CDC37L1: variants seen among roughly 807,000 people sequenced by gnomAD.
CDC37L1 encodes the protein hsp90 co-chaperone Cdc37-like 1.
CDC37L1 carries 32 observed loss-of-function variants against 45.9 expected under a neutral mutation model. The ratio of observed to expected loss-of-function variants is 0.70; its 90% confidence interval spans 0.53 to 0.94. The LOEUF (loss-of-function observed/expected upper bound fraction) is 0.94, where lower values mean the gene tolerates loss of function less well. CDC37L1 is among the 40% of genes least tolerant of loss of function. The probability of loss-of-function intolerance (pLI) is 0.00; values close to 1 mark genes in which losing one functional copy is unlikely to be tolerated. For synonymous variants in CDC37L1, 150 were observed against 133.0 expected (o/e 1.13, Z -0.88); for missense variants, 434 against 405.7 (o/e 1.07, Z -0.60).
intron 6 of CDC37L1, among the ~76,000 whole-genome samples, chr9:4,704,449 CTTATTTT>C (rs959570407): frequency 6.6e-6 from 1 of 152,116 alleles, no homozygotes; most frequent in Non-Finnish European, 1.5e-5. Flanking sequence ...CCGATTCCTT[CTTATTTT>C]TTAAAGTCTC....
chr9:4,706,616 A>G lies in CDC37L1; in HGVS notation c.*504A>G, dbSNP rs1841444419. On this transcript the variant is annotated 3_prime_UTR_variant, in exon 7 of 7. Coordinates refer to ENST00000381854, the MANE Select transcript of CDC37L1 (RefSeq NM_017913.4). ...AGTAGTTGGTAATGTACTTTACTAA[A>G]TAAGTTGGGGGGTACAATTTTTAAA... The G allele has an allele frequency of 6.5e-6, 1 of 152,694 alleles. No homozygotes were observed. The highest frequency in any genetic ancestry group is 2.1e-4 in the South Asian group (1 of 4,836). The allele number at this position is 152,694 out of a possible 1,614,324, so 9.5% of individuals were successfully genotyped here.
intron 1 of CDC37L1, among the ~76,000 whole-genome samples, chr9:4,680,365 T>TG (rs1841179245): frequency 6.6e-6 from 1 of 152,244 alleles, no homozygotes; most frequent in Non-Finnish European, 1.5e-5. Context: ...AGATTTCACA[T>TG]GCGATTTTCA....
intron 1 of CDC37L1, among the ~76,000 whole-genome samples, chr9:4,683,557 G>A (rs1173782156): frequency 6.6e-6 from 1 of 152,050 alleles, no homozygotes; most frequent in African/African-American, 2.4e-5. Flanking sequence ...GAAGAGCAAT[G>A]GGAACTGAGT....
In CDC37L1 at chr9:4,688,529, A is replaced by G. The variant is rs371422006; in HGVS notation, c.431A>G (p.Asp144Gly). The change falls in exon 3 of 7, where the codon GAT becomes GGT. Residue 144 changes from aspartate (D) to glycine (G), a missense_variant. Physicochemically the swap from Asp to Gly is moderately conservative, Grantham distance 94. Coordinates refer to ENST00000381854, the MANE Select transcript of CDC37L1 (RefSeq NM_017913.4). ...DVFNKSFINQ[D>G]KRKDTEDEDK... The stretch of plus-strand genomic sequence containing the variant: ...TTTTCTTAGAGTTTTATTAATCAAG[A>G]TAAAAGAAAAGACACAGAAGATGAA... The G allele has an allele frequency of 6.7e-7, 1 of 1,499,906 alleles. No individual in the cohort carries two copies. The highest frequency in any genetic ancestry group is 1.3e-5 in the South Asian group (1 of 78,258). 92.9% of individuals were successfully genotyped at this position (1,499,906 alleles called of 1,614,324 possible). A position where few individuals can be genotyped will look rare whatever the true frequency, so the allele number is the denominator to read the frequency against.
At position 4,679,810 on chromosome 9, in the gene CDC37L1, C is replaced by G; in HGVS notation, c.43C>G (p.Arg15Gly). 1.2e-6 allele frequency: 2 copies of G among 1,613,824 alleles called. No individual in the cohort carries two copies. The highest frequency in any genetic ancestry group is 1.7e-6 in the Non-Finnish European group (2 of 1,179,880). The change falls in exon 1 of 7, where the codon CGG (arginine) becomes GGG (glycine). Residue 15 changes from arginine to glycine, a missense_variant. Arg to Gly is a moderately radical substitution (Grantham distance 125). Transcript: ENST00000381854. Reference protein sequence around the residue: ...WPPPGPWSLPRAEGEAEEESD... With the variant: ...WPPPGPWSLPGAEGEAEEESD... ...GCCTCCGGGACCCTGGAGCCTCCCT[C>G]GGGCCGAGGGTGAGGCTGAGGAAGA...
At chr9:4,682,409 C>G (rs1166907425) in intron 1 of CDC37L1, among the ~76,000 whole-genome samples, 3 of 150,628 alleles carry the variant, frequency 2.0e-5, no homozygotes, top group Non-Finnish European at 4.4e-5. Flanking sequence ...TCACTGCAAC[C>G]TCTGCCATTC....
At chr9:4,685,406 A>G (rs1172561629) in intron 2 of CDC37L1, 1 of 328,402 alleles carries the variant, frequency 3.0e-6, no homozygotes, top group Non-Finnish European at 5.7e-6. Flanking sequence ...TGCTGAACAA[A>G]TATTACATAT....
At chr9:4,686,009 G>A (rs956764375) in intron 2 of CDC37L1, among the ~76,000 whole-genome samples, 5 of 152,056 alleles carry the variant, frequency 3.3e-5, no homozygotes, top group South Asian at 4.1e-4. Flanking sequence ...TAAAAAATAC[G>A]AAAATTAGCT....
intron 1 of CDC37L1, among the ~76,000 whole-genome samples, chr9:4,681,231 CTA>C (rs771417754): frequency 7.2e-5 from 11 of 152,190 alleles, no homozygotes; most frequent in Non-Finnish European, 1.3e-4. Flanking sequence ...CAGAAGTAAT[CTA>C]GAGAAATATC....
At chr9:4,685,195 A>C (rs1488275653) in intron 2 of CDC37L1, 37 bp downstream of exon 2, 2 of 1,524,900 alleles carry the variant, frequency 1.3e-6, no homozygotes, top group African/African-American at 1.4e-5. Flanking sequence ...AAAGAAGAAA[A>C]ACTGAAGTGT....
chr9:4,684,932 G>C lies in CDC37L1; in HGVS notation c.188G>C (p.Ser63Thr). The change falls in exon 2 of 7, where the codon AGC becomes ACC. Residue 63 changes from serine to threonine, a missense_variant. Physicochemically the swap from Ser to Thr is moderately conservative, Grantham distance 58. Transcript: ENST00000381854. Reference sequence around the variant, plus strand: ...CAAAAGCAGAAAGAGTTTGTGAAGAGCTCTGTGGCGTGCAAATGGAATCTT... The same window carrying C: ...CAAAAGCAGAAAGAGTTTGTGAAGACCTCTGTGGCGTGCAAATGGAATCTT... ...ACQKQKEFVKSSVACKWNLAE... is the reference protein window; with the variant it reads ...ACQKQKEFVKTSVACKWNLAE... 1 of 1,613,510 alleles carries C rather than the reference G, an allele frequency of 6.2e-7. No individual in the cohort carries two copies. Among genetic ancestry groups the C allele is most frequent in the Non-Finnish European group, 8.5e-7 (1 of 1,179,632 alleles).
Position 4,706,530 on chromosome 9 carries a change from G to C in CDC37L1, c.*418G>C, listed in dbSNP as rs1263358473. On this transcript the variant is annotated 3_prime_UTR_variant, in exon 7 of 7. Transcript: ENST00000381854. Reference sequence around the variant, plus strand: ...AATGATTAAAGATAAAAACATACTTGTATCCCACTGCTACTTTAGCTGTCA... The same window carrying C: ...AATGATTAAAGATAAAAACATACTTCTATCCCACTGCTACTTTAGCTGTCA... 6.5e-6 allele frequency: 1 copy of C among 152,890 alleles called. No homozygotes were observed. The highest frequency in any genetic ancestry group is 1.9e-4 in the East Asian group (1 of 5,208). The allele number at this position is 152,890 out of a possible 1,614,324, so 9.5% of individuals were successfully genotyped here.
intron 5 of CDC37L1, among the ~76,000 whole-genome samples, chr9:4,701,287 C>A (rs1841393653): frequency 6.6e-6 from 1 of 152,176 alleles, no homozygotes; most frequent in Non-Finnish European, 1.5e-5. Flanking sequence ...CATACTTTTT[C>A]TTTCCATAAT....
At chr9:4,683,882 A>T (rs1351127063) in intron 1 of CDC37L1, among the ~76,000 whole-genome samples, 1 of 152,254 alleles carries the variant, frequency 6.6e-6, no homozygotes. Flanking sequence ...AATATAGGGT[A>T]TTGAATGTCT....
intron 6 of CDC37L1, 147 bp downstream of exon 6, chr9:4,702,175 C>T (rs1026334797): frequency 2.2e-6 from 1 of 452,534 alleles, no homozygotes; most frequent in African/African-American, 2.0e-5. Flanking sequence ...TTACTTCATG[C>T]CATGTTTTGG....
rs2130857249 is a variant in CDC37L1, at chr9:4,707,125, T to C, written c.*1013T>C. 1 of 152,290 alleles carries C rather than the reference T, an allele frequency of 6.6e-6. No individual in the cohort carries two copies. The allele number at this position is 152,290 out of a possible 1,614,324, so 9.4% of individuals were successfully genotyped here. ...CAATTACCTATTTCTGAGAATTTGG[T>C]GACTCTTATTGGTAATGATGGCATT... On this transcript the variant is annotated 3_prime_UTR_variant, in exon 7 of 7. Transcript: ENST00000381854.
chr9:4,691,583 T>C (rs1841301373), intron 3 of CDC37L1, among the ~76,000 whole-genome samples: 1 of 152,116 alleles, frequency 6.6e-6, no homozygotes, highest in South Asian at 2.1e-4. Flanking sequence ...GCCTGGTGTG[T>C]GTGGGGGCTG....
intron 1 of CDC37L1, among the ~76,000 whole-genome samples, chr9:4,684,317 T>C (rs1429725417): frequency 6.6e-6 from 1 of 152,120 alleles, no homozygotes; most frequent in Non-Finnish European, 1.5e-5. Context: ...CTATTTTGAT[T>C]AGGAATAAAT....
At position 4,679,877 on chromosome 9, in the gene CDC37L1, A is replaced by G; in HGVS notation, c.110A>G (p.Gln37Arg). The part of the protein sequence containing the change: ...DVFPSSPRCP[Q>R]LPGGGAQMYS... The stretch of plus-strand genomic sequence containing the variant: ...TTCCCCAGTTCTCCCCGCTGCCCGC[A>G]GCTGCCAGGCGGCGGCGCCCAGGTG... Residue 37 changes from glutamine (Q) to arginine (R), a missense_variant, in exon 1 of 7, where the codon CAG becomes CGG. By Grantham distance (43) the Gln-to-Arg change is conservative (BLOSUM62 1). Transcript: ENST00000381854. 8 of 1,613,840 alleles carry G rather than the reference A, an allele frequency of 5.0e-6. No homozygotes were observed. Among genetic ancestry groups the G allele is most frequent in the Non-Finnish European group, 6.8e-6 (8 of 1,179,934 alleles).
Sources: allele counts gnomAD v4.1 joint callset (sites outside exome capture counted in the v4.1 genomes callset), GRCh38; gene constraint gnomAD v4.1.1; transcripts MANE v1.5; gene names NCBI Gene and HGNC (gene_info 2026-07-23, HGNC 2026-07-21).